MTOR: variants seen among roughly 807,000 people sequenced by gnomAD.
The protein encoded by MTOR is serine/threonine-protein kinase mTOR.
Under a neutral mutation model 319.8 loss-of-function variants are expected in MTOR, and 70 were observed. The ratio of observed to expected loss-of-function variants is 0.22; its 90% CI spans 0.18 to 0.27. The LOEUF (loss-of-function observed/expected upper bound fraction) is 0.27. Ranked by LOEUF, MTOR falls within the 10% of genes least tolerant of loss-of-function variation. The pLI is 1.00. For missense variants in MTOR, 1,890 were observed against 3,274.4 expected (o/e 0.58, Z 10.32); for synonymous variants, 1,183 against 1,211.4 (o/e 0.98, Z 0.49).
intron 11 of MTOR, 95 bp downstream of exon 11, chr1:11,240,208 C>A: frequency 6.8e-7 from 1 of 1,477,230 alleles, no homozygotes; most frequent in Non-Finnish European, 9.0e-7. Context: ...TCTTTAGCAC[C>A]CCAGCAAGAT....
intron 28 of MTOR, among the ~76,000 whole-genome samples, chr1:11,187,522 C>T (rs1645361008): frequency 1.3e-5 from 2 of 152,188 alleles, no homozygotes; most frequent in South Asian, 2.1e-4. Flanking sequence ...TGCTCACTCA[C>T]CTGCCACTCA....
intron 19 of MTOR, among the ~76,000 whole-genome samples, chr1:11,227,128 T>C (rs1043580647): frequency 7.9e-5 from 12 of 151,176 alleles, no homozygotes; most frequent in African/African-American, 2.7e-4. Flanking sequence ...CGAAACCCTG[T>C]CTCTACTAAA....
At chr1:11,227,567 GAACTTTACTTAGA>G (rs1646886027) in intron 19 of MTOR, among the ~76,000 whole-genome samples, 1 of 151,636 alleles carries the variant, frequency 6.6e-6, no homozygotes, top group Non-Finnish European at 1.5e-5. Context: ...AAGCTACTCT[GAACTTTACTTAGA>G]TCTGTGGTTG....
Position 11,154,068 on chromosome 1 carries a change from C to CAAAAAAAAAAAAAAA in MTOR, c.4469+3069_4469+3083dup, listed in dbSNP as rs70977548. Among the ~76,000 whole-genome samples the CAAAAAAAAAAAAAAA allele has an allele frequency of 3.1e-4, 4 of 13,066 alleles. 1 individual carries two copies. The highest frequency in any genetic ancestry group is 2.8e-4 in the Non-Finnish European group (2 of 7,222). 8.6% of individuals were successfully genotyped at this position (13,066 alleles called of 152,430 possible). A position where few individuals can be genotyped will look rare whatever the true frequency, so the allele number is the denominator to read the frequency against. On this transcript the variant is annotated intron_variant, in intron 30 of 57. Coordinates refer to ENST00000361445, the MANE Select transcript of MTOR (RefSeq NM_004958.4). Reference sequence around the variant, plus strand: ...TGGGTGACAGAGTGAGACTCTGTCTCAAAAAAAAAAAAAAAAAAAAAAAAA... The same window carrying CAAAAAAAAAAAAAAA: ...TGGGTGACAGAGTGAGACTCTGTCTCAAAAAAAAAAAAAAAAAAAAAAAAAAAAAAAAAAAAAAAA...
At chr1:11,248,918 A>G (rs182942517) in intron 6 of MTOR, among the ~76,000 whole-genome samples, 2 of 152,150 alleles carry the variant, frequency 1.3e-5, no homozygotes, top group East Asian at 3.9e-4. Context: ...TTACCTTTAC[A>G]ATGGGCTGCT....
chr1:11,202,413 T>A (rs571321489), intron 26 of MTOR, among the ~76,000 whole-genome samples: 8 of 61,702 alleles, frequency 1.3e-4, no homozygotes, highest in South Asian at 7.1e-4. Flanking sequence ...AGAGCAAAAC[T>A]CCGTCTCAAA....
intron 28 of MTOR, among the ~76,000 whole-genome samples, chr1:11,192,748 TAAAA>T (rs56996673): frequency 1.7e-5 from 2 of 119,228 alleles, no homozygotes; most frequent in Admixed American, 8.7e-5. Flanking sequence ...CCATTTCAAT[TAAAA>T]AAAAAAAAAA....
chr1:11,256,055 A>G lies in MTOR; in HGVS notation c.642T>C (p.Arg214=), dbSNP rs777212963. ...AIREGAVAAL[R]ACLILTTQRE... The stretch of plus-strand genomic sequence containing the variant: ...GCTGGGTTGTGAGAATCAGACAGGC[A>G]CGAAGGGCGGCTACAGCTCCCTCAC... The change falls in exon 5 of 58, where the codon CGT becomes CGC. Residue 214 remains arginine (R), a synonymous_variant. Coordinates refer to ENST00000361445, the MANE Select transcript of MTOR (RefSeq NM_004958.4). The G allele has an allele frequency of 1.9e-6, 3 of 1,614,058 alleles. No individual in the cohort carries two copies. Among genetic ancestry groups the G allele is most frequent in the Non-Finnish European group, 2.5e-6 (3 of 1,180,034 alleles).
At chr1:11,203,145 G>A (rs913111806) in intron 26 of MTOR, among the ~76,000 whole-genome samples, 8 of 151,302 alleles carry the variant, frequency 5.3e-5, no homozygotes, top group Admixed American at 2.0e-4. Context: ...CCCAGGAGAC[G>A]GAGGTTGCAG....
intron 28 of MTOR, among the ~76,000 whole-genome samples, chr1:11,179,975 A>C (rs1645096272): frequency 6.6e-6 from 1 of 152,104 alleles, no homozygotes; most frequent in Non-Finnish European, 1.5e-5. Flanking sequence ...GCAGTGGTGC[A>C]ATCATAGCTC....
At chr1:11,120,520 G>GAA (rs759905739) in intron 49 of MTOR, among the ~76,000 whole-genome samples, 169 of 137,178 alleles carry the variant, frequency 1.2e-3, no homozygotes, top group African/African-American at 4.0e-3. Flanking sequence ...CCTGGGCGGG[G>GAA]AAAAAAAAAA....
intron 34 of MTOR, among the ~76,000 whole-genome samples, 172 bp from the exon 35 acceptor site, chr1:11,139,830 T>A (rs183778881): frequency 6.6e-6 from 1 of 152,334 alleles, no homozygotes; most frequent in Non-Finnish European, 1.5e-5. Flanking sequence ...TAGCGGGGAT[T>A]ACAGGCGTGT....
At chr1:11,195,221 T>A in intron 28 of MTOR, 1 of 622,832 alleles carries the variant, frequency 1.6e-6, no homozygotes, top group Non-Finnish European at 2.7e-6. Flanking sequence ...ATGAACTATT[T>A]AAACCCACTG....
At chr1:11,222,781 T>C (rs1031984358) in intron 19 of MTOR, among the ~76,000 whole-genome samples, 1 of 151,722 alleles carries the variant, frequency 6.6e-6, no homozygotes, top group Non-Finnish European at 1.5e-5. Context: ...AAAATATATA[T>C]ATAAGTAAGA....
At chr1:11,194,602 A>G (rs1571132653) in intron 28 of MTOR, 1 of 1,614,248 alleles carries the variant, frequency 6.2e-7, no homozygotes. Flanking sequence ...CACAGCCTTC[A>G]GCACCAAGGA....
chr1:11,177,857 A>C (rs1645036492), intron 28 of MTOR, among the ~76,000 whole-genome samples: 3 of 152,160 alleles, frequency 2.0e-5, no homozygotes, highest in African/African-American at 7.2e-5. Context: ...AAAAAGAAAA[A>C]AATGGAGGAG....
chr1:11,248,996 T>A (rs1274628856), intron 6 of MTOR, among the ~76,000 whole-genome samples: 1 of 151,910 alleles, frequency 6.6e-6, no homozygotes, highest in African/African-American at 2.4e-5. Flanking sequence ...GAGGCCTAGG[T>A]GGGCAGATCA....
chr1:11,175,213 A>AT (rs1481937677), intron 28 of MTOR, among the ~76,000 whole-genome samples: 1 of 152,240 alleles, frequency 6.6e-6, no homozygotes, highest in African/African-American at 2.4e-5. Context: ...GCCTATCCGC[A>AT]TAATAGAATC....
chr1:11,232,414 A>G (rs369482046), intron 16 of MTOR, 22 bp downstream of exon 16: 201 of 1,591,406 alleles, frequency 1.3e-4, no homozygotes, highest in Non-Finnish European at 1.5e-4. Context: ...GTCTTGCTCA[A>G]TCAGGAAGCA....
Sources: allele counts gnomAD v4.1 joint callset (sites outside exome capture counted in the v4.1 genomes callset), GRCh38; gene constraint gnomAD v4.1.1; transcripts MANE v1.5; gene names NCBI Gene and HGNC (gene_info 2026-07-23, HGNC 2026-07-21).